Variants in ELP4 observed in about 807,000 individuals in gnomAD.
The protein encoded by ELP4 is elongator acetyltransferase complex subunit 4, also known as elongator complex protein 4.
In ELP4, 51 loss-of-function variants were observed where a neutral mutation model predicts 48.9. That is an observed-to-expected ratio of 1.04 (90% CI 0.83 to 1.32). The LOEUF is 1.32. Ranked by LOEUF, ELP4 falls within the 40% of genes most tolerant of loss-of-function variation. ELP4 has a pLI of 0.00. For synonymous variants in ELP4, 210 were observed against 189.2 expected, an observed-to-expected ratio of 1.11 and a Z score of -0.90; for missense variants, 519 against 514.6, an observed-to-expected ratio of 1.01 and a Z score of -0.08.
At chr11:31,731,601 TA>T (rs374141456) in intron 9 of ELP4, among the ~76,000 whole-genome samples, 1 of 148,172 alleles carries the variant, frequency 6.7e-6, no homozygotes, top group African/African-American at 2.5e-5. Flanking sequence ...TGTGTGTGTG[TA>T]GTCTGTGAAG....
chr11:31,697,969 A>C (rs1454766825), intron 9 of ELP4, among the ~76,000 whole-genome samples: 1 of 152,016 alleles, frequency 6.6e-6, no homozygotes, highest in Non-Finnish European at 1.5e-5. Flanking sequence ...TTTTTTTAAA[A>C]GGATTTTTTA....
At chr11:31,601,379 A>T (rs1020085089) in intron 4 of ELP4, among the ~76,000 whole-genome samples, 4 of 152,106 alleles carry the variant, frequency 2.6e-5, no homozygotes, top group African/African-American at 9.6e-5. Flanking sequence ...TAAAATTTTC[A>T]TGGCTACCTT....
intron 9 of ELP4, among the ~76,000 whole-genome samples, chr11:31,675,177 C>G (rs1275571074): frequency 6.6e-6 from 1 of 152,034 alleles, no homozygotes; most frequent in Non-Finnish European, 1.5e-5. Context: ...AAGGGCAGGA[C>G]AGGGAAGAGA....
intron 9 of ELP4, among the ~76,000 whole-genome samples, chr11:31,709,970 G>A (rs1268056737): frequency 6.6e-6 from 1 of 152,126 alleles, no homozygotes; most frequent in African/African-American, 2.4e-5. Context: ...CACCCCCTCA[G>A]CAAACTGTTT....
intron 9 of ELP4, among the ~76,000 whole-genome samples, chr11:31,732,306 G>T (rs576504102): frequency 1.3e-5 from 2 of 152,190 alleles, no homozygotes; most frequent in East Asian, 1.9e-4. Flanking sequence ...GTGGGTGGGG[G>T]TAGTGATAGA....
intron 3 of ELP4, among the ~76,000 whole-genome samples, chr11:31,590,260 T>G (rs1204220170): frequency 6.6e-6 from 1 of 152,192 alleles, no homozygotes; most frequent in African/African-American, 2.4e-5. Flanking sequence ...ATATATGTAC[T>G]CTTGTTATTG....
chr11:31,744,769 C>A (rs947615487), intron 9 of ELP4, among the ~76,000 whole-genome samples: 2 of 151,852 alleles, frequency 1.3e-5, no homozygotes, highest in African/African-American at 4.8e-5. Flanking sequence ...TATGACAAAC[C>A]CACAGCCAAT....
intron 3 of ELP4, among the ~76,000 whole-genome samples, chr11:31,550,041 C>T (rs367652654): frequency 1.1e-4 from 16 of 151,870 alleles, no homozygotes; most frequent in East Asian, 9.7e-4. Flanking sequence ...TGCTAGATGA[C>T]GAGTTAGTGG....
intron 7 of ELP4, 29 bp from the exon 8 acceptor site, chr11:31,647,712 C>T (rs1200507284): frequency 1.0e-5 from 13 of 1,283,052 alleles, no homozygotes; most frequent in East Asian, 2.3e-5. Flanking sequence ...TAATATTTAA[C>T]GTTACTGTTT....
chr11:31,714,820 G>A, intron 9 of ELP4: 1 of 398,088 alleles, frequency 2.5e-6, no homozygotes, highest in African/African-American at 2.1e-5. Context: ...TTTTTTTTCT[G>A]CCTCTCTCCT....
intron 4 of ELP4, among the ~76,000 whole-genome samples, chr11:31,601,626 T>A (rs1957784982): frequency 6.6e-6 from 1 of 152,024 alleles, no homozygotes; most frequent in Non-Finnish European, 1.5e-5. Flanking sequence ...AAGCATACTT[T>A]GCTTCTTGGC....
chr11:31,648,131 A>G (rs1945244085), intron 8 of ELP4: 1 of 230,902 alleles, frequency 4.3e-6, no homozygotes, highest in Non-Finnish European at 8.5e-6. Context: ...CCATGTAATC[A>G]GTCATACTTA....
intron 5 of ELP4, 125 bp from the exon 6 acceptor site, chr11:31,626,985 T>G: frequency 1.8e-6 from 1 of 570,272 alleles, no homozygotes; most frequent in South Asian, 2.7e-5. Flanking sequence ...TAATACTGTT[T>G]TGACATTCTT....
intron 3 of ELP4, among the ~76,000 whole-genome samples, chr11:31,572,593 A>G (rs1372725405): frequency 3.3e-5 from 5 of 152,070 alleles, no homozygotes; most frequent in Non-Finnish European, 7.4e-5. Flanking sequence ...GTTTATAGAG[A>G]GATTGTCTAT....
intron 1 of ELP4, chr11:31,512,036 A>G (rs1423269210): frequency 6.6e-6 from 1 of 152,236 alleles, no homozygotes; most frequent in Non-Finnish European, 1.5e-5. Flanking sequence ...TGAAAAATAA[A>G]TATGTCCAGA....
intron 9 of ELP4, 43 bp downstream of exon 9, chr11:31,650,264 C>A: frequency 1.5e-6 from 1 of 647,746 alleles, no homozygotes; most frequent in Non-Finnish European, 2.7e-6. Flanking sequence ...TTGAGATAAA[C>A]TTATTTTTAA....
intron 7 of ELP4, among the ~76,000 whole-genome samples, chr11:31,634,577 C>T (rs1480028102): frequency 6.6e-6 from 1 of 151,980 alleles, no homozygotes; most frequent in Non-Finnish European, 1.5e-5. Flanking sequence ...ATCCTGTACC[C>T]TCTGTTTAAG....
At chr11:31,677,947 C>T (rs1351414192) in intron 9 of ELP4, among the ~76,000 whole-genome samples, 1 of 152,124 alleles carries the variant, frequency 6.6e-6, no homozygotes, top group African/African-American at 2.4e-5. Context: ...GTATTCCCAT[C>T]ACAGTATCAT....
At chr11:31,776,175 A>AG (rs1554979843) in intron 9 of ELP4, among the ~76,000 whole-genome samples, 18 of 148,852 alleles carry the variant, frequency 1.2e-4, no homozygotes, top group African/African-American at 4.2e-4. Flanking sequence ...AAAAAAAAAA[A>AG]GAGTATGGGA....
Sources: allele counts gnomAD v4.1 joint callset (sites outside exome capture counted in the v4.1 genomes callset), GRCh38; gene constraint gnomAD v4.1.1; transcripts MANE v1.5; gene names NCBI Gene and HGNC (gene_info 2026-07-23, HGNC 2026-07-21).